Variants in TMEM272 observed in about 807,000 individuals in gnomAD.
TMEM272 encodes the protein transmembrane protein 272.
Under a neutral mutation model 3.7 loss-of-function variants are expected in TMEM272, and 8 were observed. The ratio of observed to expected loss-of-function variants is 2.17; its 90% confidence interval spans 1.27 to 3.91. TMEM272 has a LOEUF of 3.91. Among genes scored for constraint, TMEM272 ranks in the 30% most tolerant of loss-of-function variants. The pLI is 0.00. For missense variants in TMEM272, 166 were observed against 91.5 expected (o/e 1.81, Z -3.32); for synonymous variants, 63 against 39.8 (o/e 1.58, Z -2.20).
chr13:51,923,007 C>G, the TMEM272 span, among the ~76,000 whole-genome samples: 4 of 152,298 alleles, frequency 2.6e-5, no homozygotes, highest in East Asian at 7.7e-4. Flanking sequence ...TCTGAGGATT[C>G]GGATGAGGAT....
chr13:51,846,849 G>C (rs367759335), upstream of TMEM272, among the ~76,000 whole-genome samples: 4 of 152,152 alleles, frequency 2.6e-5, no homozygotes, highest in Non-Finnish European at 4.4e-5. Context: ...GTAAGCTAAG[G>C]TTACTTTATT....
intron 3 of TMEM272, among the ~76,000 whole-genome samples, chr13:51,825,217 G>A (rs971873403): frequency 6.6e-6 from 1 of 152,142 alleles, no homozygotes; most frequent in Non-Finnish European, 1.5e-5. Context: ...CAGACTACTT[G>A]GCTGTTTCAG....
At chr13:51,867,803 G>A in the TMEM272 span, among the ~76,000 whole-genome samples, 3 of 152,152 alleles carry the variant, frequency 2.0e-5, no homozygotes, top group Non-Finnish European at 4.4e-5. Context: ...AGGATGCAGG[G>A]TGGAGAGAAT....
chr13:51,874,932 T>G, the TMEM272 span, among the ~76,000 whole-genome samples: 1 of 152,204 alleles, frequency 6.6e-6, no homozygotes, highest in African/African-American at 2.4e-5. Flanking sequence ...GTTGGATTGC[T>G]AGGGGCGGTC....
intron 2 of TMEM272, among the ~76,000 whole-genome samples, chr13:51,837,148 C>T (rs1956222923): frequency 1.3e-5 from 2 of 152,194 alleles, no homozygotes; most frequent in African/African-American, 4.8e-5. Flanking sequence ...CAAGGTTGGC[C>T]TAGACCTTGA....
At chr13:51,845,688 T>A (rs973554893), upstream of TMEM272, among the ~76,000 whole-genome samples, 5 of 152,238 alleles carry the variant, frequency 3.3e-5, no homozygotes, top group Non-Finnish European at 7.3e-5. Context: ...TGAAGCAGGC[T>A]GCTTTGTGAG....
At chr13:51,909,488 G>T in the TMEM272 span, 1 of 941,736 alleles carries the variant, frequency 1.1e-6, no homozygotes, top group Non-Finnish European at 1.7e-6. Flanking sequence ...ACTTTCTGTT[G>T]AAGTTTCTGA....
intron 2 of TMEM272, among the ~76,000 whole-genome samples, chr13:51,837,105 A>C (rs1956222660): frequency 6.6e-6 from 1 of 152,218 alleles, no homozygotes; most frequent in African/African-American, 2.4e-5. Context: ...ACAAGGGCAG[A>C]AATCTCAACA....
At chr13:51,868,964 G>T in the TMEM272 span, among the ~76,000 whole-genome samples, 2 of 152,174 alleles carry the variant, frequency 1.3e-5, no homozygotes, top group East Asian at 3.8e-4. Context: ...ACCCAAAGCT[G>T]CCAGAAGGGA....
chr13:51,917,452 G>C, the TMEM272 span, among the ~76,000 whole-genome samples: 1 of 152,128 alleles, frequency 6.6e-6, no homozygotes, highest in East Asian at 1.9e-4. Flanking sequence ...GGCACCCCTA[G>C]GTTCCTGAAT....
At chr13:51,911,371 C>G in the TMEM272 span, among the ~76,000 whole-genome samples, 1 of 152,208 alleles carries the variant, frequency 6.6e-6, no homozygotes, top group Admixed American at 6.5e-5. Context: ...CTAGTCTCAT[C>G]CCCAGAAGAT....
chr13:51,825,928 A>G (rs757104551), intron 3 of TMEM272, among the ~76,000 whole-genome samples: 2 of 151,950 alleles, frequency 1.3e-5, no homozygotes, highest in Non-Finnish European at 2.9e-5. Flanking sequence ...TTCTAGGTAA[A>G]TAGGGGTAGC....
At chr13:51,864,858 C>T in the TMEM272 span, among the ~76,000 whole-genome samples, 998 of 152,252 alleles carry the variant, frequency 6.6e-3, 10 homozygotes, top group African/African-American at 0.022. Context: ...CCAAAATAAA[C>T]TCCTCTCCTA....
intron 3 of TMEM272, among the ~76,000 whole-genome samples, chr13:51,823,314 A>G (rs1339271198): frequency 6.6e-6 from 1 of 152,254 alleles, no homozygotes; most frequent in African/African-American, 2.4e-5. Context: ...CCTGGGCTCA[A>G]GTGATCCTCC....
At chr13:51,832,905 T>C (rs1238479669) in intron 2 of TMEM272, among the ~76,000 whole-genome samples, 1 of 152,142 alleles carries the variant, frequency 6.6e-6, no homozygotes, top group Non-Finnish European at 1.5e-5. Context: ...CACCACCTCT[T>C]AAGGGAGATG....
chr13:51,930,173 T>C, the TMEM272 span, among the ~76,000 whole-genome samples: 1 of 152,110 alleles, frequency 6.6e-6, no homozygotes, highest in African/African-American at 2.4e-5. Flanking sequence ...TTTTTTGCTA[T>C]AAGCAGTTAT....
the TMEM272 span, among the ~76,000 whole-genome samples, chr13:51,861,743 G>A: frequency 6.6e-6 from 1 of 152,152 alleles, no homozygotes; most frequent in Non-Finnish European, 1.5e-5. Context: ...CATCAAATCT[G>A]CATATCCAAG....
chr13:51,908,567 G>T, the TMEM272 span: 1 of 1,504,388 alleles, frequency 6.6e-7, no homozygotes. Context: ...CAAAGCCAGG[G>T]CCACTCACTT....
upstream of TMEM272, among the ~76,000 whole-genome samples, chr13:51,849,144 G>C (rs11148230): frequency 0.16 from 23,622 of 152,124 alleles, 2,256 homozygotes; most frequent in Middle Eastern, 0.24. Flanking sequence ...AGAATGCATG[G>C]TCCCACAACT....
Sources: allele counts gnomAD v4.1 joint callset (sites outside exome capture counted in the v4.1 genomes callset), GRCh38; gene constraint gnomAD v4.1.1; transcripts MANE v1.5; gene names NCBI Gene and HGNC (gene_info 2026-07-23, HGNC 2026-07-21).